Variants in SMG6 observed in about 807,000 individuals in gnomAD.
SMG6 encodes the protein telomerase-binding protein EST1A.
In SMG6, 66 loss-of-function variants were observed where a neutral mutation model predicts 142.2. That is an observed-to-expected ratio of 0.46 (90% CI 0.38 to 0.57). The LOEUF (loss-of-function observed/expected upper bound fraction) is 0.57. Among genes scored for constraint, SMG6 ranks in the 20% least tolerant of loss-of-function variants. The pLI, the probability that SMG6 is intolerant of heterozygous loss-of-function variation, is 0.00. For synonymous variants in SMG6, 779 were observed against 702.4 expected, an observed-to-expected ratio of 1.11 and a Z score of -1.72; for missense variants, 1,793 against 1,832.0, an observed-to-expected ratio of 0.98 and a Z score of 0.39.
chr17:2,065,952 T>G, intron 16 of SMG6: 1 of 510,568 alleles, frequency 2.0e-6, no homozygotes. Flanking sequence ...CTGCTGTATT[T>G]AGAGGAAGAA....
chr17:2,151,790 G>GA (rs1008318692), intron 13 of SMG6, among the ~76,000 whole-genome samples: 1 of 152,202 alleles, frequency 6.6e-6, no homozygotes, highest in Non-Finnish European at 1.5e-5. Context: ...CACACAACAT[G>GA]AAAGAGACCC....
intron 10 of SMG6, among the ~76,000 whole-genome samples, chr17:2,210,741 C>A: frequency 2.9e-5 from 4 of 136,742 alleles, no homozygotes; most frequent in Non-Finnish European, 3.1e-5. Context: ...TGTCTGCAGC[C>A]AACAAAGGCA....
At chr17:2,245,741 T>C (rs1183400121) in intron 8 of SMG6, among the ~76,000 whole-genome samples, 1 of 152,204 alleles carries the variant, frequency 6.6e-6, no homozygotes, top group Admixed American at 6.5e-5. Context: ...AGCACAGTGG[T>C]GTGATCACAG....
chr17:2,075,168 T>C (rs2068222205), intron 15 of SMG6, among the ~76,000 whole-genome samples: 1 of 152,190 alleles, frequency 6.6e-6, no homozygotes, highest in Non-Finnish European at 1.5e-5. Flanking sequence ...CCAGCTTCCA[T>C]ACAGGTGTGG....
At chr17:2,129,001 T>C (rs1257294975) in intron 13 of SMG6, among the ~76,000 whole-genome samples, 3 of 152,136 alleles carry the variant, frequency 2.0e-5, no homozygotes, top group South Asian at 2.1e-4. Flanking sequence ...ATTTTGAAGT[T>C]TGGGAGAGTA....
At chr17:2,149,336 C>T (rs1267931174) in intron 13 of SMG6, among the ~76,000 whole-genome samples, 10 of 104,620 alleles carry the variant, frequency 9.6e-5, no homozygotes, top group Non-Finnish European at 1.5e-4. Flanking sequence ...GGTGACAGAG[C>T]GAGATTCCCC....
rs1326746927 is a variant in SMG6 at position 2,282,569 on chromosome 17, T to G, written c.2661+78A>C. 5 of 1,399,870 alleles carry G rather than the reference T, an allele frequency of 3.6e-6. No individual in the cohort carries two copies. In the African/African-American group the frequency reaches 7.1e-5, roughly 20 times the overall value. 86.7% of individuals were successfully genotyped at this position (1,399,870 alleles called of 1,614,324 possible). On this transcript the variant is annotated intron_variant, in intron 8 of 18. Coordinates refer to ENST00000263073, the MANE Select transcript of SMG6 (RefSeq NM_017575.5). ...CCTTGCAATCAGTGGGAAGTATCTG[T>G]GCCTCACAGCTGTATGAACCAGGGC...
At chr17:2,277,460 C>T (rs1241978983) in intron 8 of SMG6, among the ~76,000 whole-genome samples, 1 of 152,084 alleles carries the variant, frequency 6.6e-6, no homozygotes, top group South Asian at 2.1e-4. Context: ...GCACCACGCC[C>T]GGCCATATTT....
intron 13 of SMG6, among the ~76,000 whole-genome samples, chr17:2,108,381 C>T (rs1376756864): frequency 6.6e-6 from 1 of 152,192 alleles, no homozygotes; most frequent in East Asian, 1.9e-4. Context: ...CTTTGAAAGG[C>T]CGAGGCGGGC....
At chr17:2,080,553 C>CT (rs2068389104) in intron 15 of SMG6, among the ~76,000 whole-genome samples, 1 of 152,252 alleles carries the variant, frequency 6.6e-6, no homozygotes, top group Non-Finnish European at 1.5e-5. Flanking sequence ...GTGCCATGCA[C>CT]TATGCTAAGT....
intron 10 of SMG6, among the ~76,000 whole-genome samples, chr17:2,191,932 G>A (rs1349521796): frequency 6.6e-6 from 1 of 152,222 alleles, no homozygotes; most frequent in African/African-American, 2.4e-5. Context: ...TCAACAGCAA[G>A]TGTCCTTCTG....
At chr17:2,285,354 G>C (rs1157436027) in intron 6 of SMG6, among the ~76,000 whole-genome samples, 1 of 152,128 alleles carries the variant, frequency 6.6e-6, no homozygotes, top group East Asian at 1.9e-4. Context: ...ACAGAAAAAA[G>C]AGGGATAGAG....
chr17:2,112,534 AAT>A (rs2069366784), intron 13 of SMG6, among the ~76,000 whole-genome samples: 2 of 136,736 alleles, frequency 1.5e-5, no homozygotes, highest in African/African-American at 5.5e-5. Context: ...AAAATAAATA[AAT>A]AAATAAATAA....
intron 10 of SMG6, among the ~76,000 whole-genome samples, chr17:2,214,791 T>A (rs1197744533): frequency 6.6e-6 from 1 of 152,218 alleles, no homozygotes; most frequent in African/African-American, 2.4e-5. Context: ...GCTGTCGAAG[T>A]AGCTCTCTTG....
intron 10 of SMG6, among the ~76,000 whole-genome samples, chr17:2,221,565 G>T (rs954265934): frequency 6.6e-6 from 1 of 152,154 alleles, no homozygotes; most frequent in Non-Finnish European, 1.5e-5. Flanking sequence ...AGATACCAAA[G>T]CACATTTAAT....
At chr17:2,232,963 T>C (rs1452160240) in intron 10 of SMG6, 5 of 152,342 alleles carry the variant, frequency 3.3e-5, no homozygotes, top group Non-Finnish European at 5.9e-5. Flanking sequence ...CCAAAGCTTT[T>C]CTACACACTT....
intron 13 of SMG6, among the ~76,000 whole-genome samples, chr17:2,098,493 A>C (rs2068918626): frequency 6.6e-6 from 1 of 152,192 alleles, no homozygotes; most frequent in African/African-American, 2.4e-5. Context: ...TTTTTGGACC[A>C]GGGTAGGGTT....
intron 13 of SMG6, among the ~76,000 whole-genome samples, chr17:2,110,600 C>A (rs570641789): frequency 1.3e-5 from 2 of 152,006 alleles, no homozygotes; most frequent in Non-Finnish European, 2.9e-5. Flanking sequence ...AAAGATCTGG[C>A]GGAAGCAGCA....
At chr17:2,293,143 A>G (rs1055649545) in intron 4 of SMG6, among the ~76,000 whole-genome samples, 166 bp from the exon 5 acceptor site, 1 of 152,164 alleles carries the variant, frequency 6.6e-6, no homozygotes, top group African/African-American at 2.4e-5. Context: ...AAAACACAAC[A>G]AACTATAAAG....
Sources: allele counts gnomAD v4.1 joint callset (sites outside exome capture counted in the v4.1 genomes callset), GRCh38; gene constraint gnomAD v4.1.1; transcripts MANE v1.5; gene names NCBI Gene and HGNC (gene_info 2026-07-23, HGNC 2026-07-21).